The following PIK3R1 variants were observed in gnomAD, a reference collection of about 807,000 sequenced individuals.
The protein encoded by PIK3R1 is phosphoinositide-3-kinase regulatory subunit 1.
In PIK3R1, 29 loss-of-function variants were observed where a neutral mutation model predicts 98.0. The observed-to-expected ratio is 0.30, with a 90% CI of 0.22 to 0.40. The LOEUF is 0.40. Among genes scored for constraint, PIK3R1 ranks in the 10% least tolerant of loss-of-function variants. PIK3R1 has a pLI of 1.00. For synonymous variants in PIK3R1, 282 were observed against 311.8 expected (o/e 0.90, Z 1.01); for missense variants, 596 against 872.7 (o/e 0.68, Z 3.99).
At chr5:68,218,424 T>G (rs1743978593) in intron 1 of PIK3R1, among the ~76,000 whole-genome samples, 1 of 152,168 alleles carries the variant, frequency 6.6e-6, no homozygotes, top group Admixed American at 6.5e-5. Flanking sequence ...TAAATTGATA[T>G]GTTCAATCAA....
rs1031064318 is a variant in PIK3R1 at position 68,298,098 on chromosome 5, T to A, written c.*497T>A. 14 of 230,886 alleles carry A rather than the reference T, an allele frequency of 6.1e-5. No homozygotes were observed. Among genetic ancestry groups the A allele is most frequent in the Non-Finnish European group, 1.1e-4 (13 of 116,452 alleles). 14.3% of individuals were successfully genotyped at this position (230,886 alleles called of 1,614,324 possible). ...CCCAGACACATCGCACTGTGGATTA[T>A]TTCATTTTGTAACAAATGAACGATA... On this transcript the variant is annotated 3_prime_UTR_variant, in exon 16 of 16. Transcript: ENST00000521381.
At chr5:68,290,697 A>G (rs139787718) in intron 7 of PIK3R1, 1 of 1,595,624 alleles carries the variant, frequency 6.3e-7, no homozygotes, top group African/African-American at 1.4e-5. Flanking sequence ...CTTTTCTTAT[A>G]ACTGAGCTCA....
intron 2 of PIK3R1, among the ~76,000 whole-genome samples, chr5:68,236,581 G>T (rs57071499): frequency 0.034 from 5,244 of 152,260 alleles, 198 homozygotes; most frequent in East Asian, 0.14. Context: ...AAAACTGAAG[G>T]TCATGTGATT....
At chr5:68,261,194 T>G (rs749045457) in intron 2 of PIK3R1, among the ~76,000 whole-genome samples, 4 of 152,244 alleles carry the variant, frequency 2.6e-5, no homozygotes, top group Non-Finnish European at 4.4e-5. Flanking sequence ...TGTGATTAAA[T>G]GTAAATTTAG....
intron 2 of PIK3R1, among the ~76,000 whole-genome samples, chr5:68,236,372 C>T (rs958374666): frequency 2.6e-5 from 4 of 152,044 alleles, no homozygotes; most frequent in Non-Finnish European, 4.4e-5. Context: ...GTCTCAGCCT[C>T]CCGAGTAGCT....
chr5:68,294,700 G>A (rs200876334), intron 12 of PIK3R1, 22 bp downstream of exon 12: 30 of 1,567,274 alleles, frequency 1.9e-5, no homozygotes, highest in Non-Finnish European at 2.6e-5. Flanking sequence ...CCTTGTTCTT[G>A]TGCTAGAGAT....
chr5:68,252,913 T>C (rs1242571198), intron 2 of PIK3R1, among the ~76,000 whole-genome samples: 6 of 152,198 alleles, frequency 3.9e-5, no homozygotes, highest in African/African-American at 1.4e-4. Flanking sequence ...CTGCCTTTTC[T>C]CCCTCAGATT....
Position 68,288,559 on chromosome 5 carries a change from A to T in PIK3R1, c.917-3700A>T, listed in dbSNP as rs549051920. Reference sequence around the variant, plus strand: ...GAGCTGGGCCACTGTGCACGCCCGGAGGGTCCTGGCGGCGCCCCCGCTCCT... The same window carrying T: ...GAGCTGGGCCACTGTGCACGCCCGGTGGGTCCTGGCGGCGCCCCCGCTCCT... On this transcript the variant is annotated intron_variant, in intron 7 of 15. Coordinates refer to ENST00000521381, the MANE Select transcript of PIK3R1 (RefSeq NM_181523.3). The T allele has an allele frequency of 1.7e-5, 25 of 1,507,120 alleles. No individual in the cohort carries two copies. In the South Asian group the frequency reaches 3.2e-4, roughly 19 times the overall value. The allele number at this position is 1,507,120 out of a possible 1,614,324, so 93.4% of individuals were successfully genotyped here. A position where few individuals can be genotyped will look rare whatever the true frequency, so the allele number is the denominator to read the frequency against.
intron 2 of PIK3R1, among the ~76,000 whole-genome samples, chr5:68,262,665 ACATGTAGATACATGTATCTG>A (rs1745845014): frequency 7.7e-6 from 1 of 130,450 alleles, no homozygotes; most frequent in Non-Finnish European, 1.6e-5. Context: ...GCATGTATAC[ACATGTAGATACATGTATCTG>A]CATGTATACA....
chr5:68,264,251 TA>T (rs1291278960), intron 2 of PIK3R1, among the ~76,000 whole-genome samples: 5 of 152,274 alleles, frequency 3.3e-5, no homozygotes, highest in Non-Finnish European at 2.9e-5. Context: ...AAGCTCAAGT[TA>T]AAAAAATGCA....
intron 2 of PIK3R1, among the ~76,000 whole-genome samples, chr5:68,240,591 C>A (rs890263813): frequency 2.0e-5 from 3 of 152,168 alleles, no homozygotes; most frequent in Non-Finnish European, 4.4e-5. Context: ...TTTTCTTTGC[C>A]AGGAACCTGA....
chr5:68,216,303 C>T (rs776075178), intron 1 of PIK3R1, among the ~76,000 whole-genome samples: 18 of 152,218 alleles, frequency 1.2e-4, no homozygotes, highest in Non-Finnish European at 2.4e-4. Flanking sequence ...TTCGGAGGGT[C>T]CCCGCTGTCG....
At chr5:68,243,632 C>G (rs1057222636) in intron 2 of PIK3R1, among the ~76,000 whole-genome samples, 1 of 152,236 alleles carries the variant, frequency 6.6e-6, no homozygotes, top group Non-Finnish European at 1.5e-5. Context: ...TGCCACCTTT[C>G]TTTTCCTTTA....
At position 68,289,825 on chromosome 5, in the gene PIK3R1, C is replaced by A. The variant is rs534031313; in HGVS notation, c.917-2434C>A. On this transcript the variant is annotated intron_variant, in intron 7 of 15. Coordinates refer to ENST00000521381, the MANE Select transcript of PIK3R1 (RefSeq NM_181523.3). ...CTTCCCGTTCAAGCAGTATTAGTAG[C>A]GAAGATGGGTTCATCAGTGAAATAT... Among the ~76,000 whole-genome samples the A allele has an allele frequency of 6.5e-5, 9 of 137,684 alleles. No individual in the cohort carries two copies. In the South Asian group the frequency reaches 2.1e-3, roughly 33 times the overall value. 90.3% of individuals were successfully genotyped at this position (137,684 alleles called of 152,430 possible). A position where few individuals can be genotyped will look rare whatever the true frequency, so the allele number is the denominator to read the frequency against.
Position 68,298,472 on chromosome 5 carries a change from C to G in PIK3R1, c.*871C>G, listed in dbSNP as rs1747850976. The G allele has an allele frequency of 1.3e-5, 3 of 233,028 alleles. No individual in the cohort carries two copies. In the South Asian group the frequency reaches 5.4e-4, roughly 42 times the overall value. The allele number at this position is 233,028 out of a possible 1,614,324, so 14.4% of individuals were successfully genotyped here. On this transcript the variant is annotated 3_prime_UTR_variant, in exon 16 of 16. Transcript: ENST00000521381. ...AAATGTACCTTCAGAATAAGCTTCC[C>G]CACCCCAGTTTTTGTTGCTTGAAAA...
At chr5:68,272,172 GA>G (rs1381730322) in intron 2 of PIK3R1, among the ~76,000 whole-genome samples, 1 of 148,460 alleles carries the variant, frequency 6.7e-6, no homozygotes, top group African/African-American at 2.5e-5. Context: ...AGGATCACAT[GA>G]ACTCAGGAAG....
intron 2 of PIK3R1, among the ~76,000 whole-genome samples, chr5:68,235,872 A>AT (rs56930555): frequency 0.36 from 53,384 of 146,550 alleles, 10,163 homozygotes; most frequent in East Asian, 0.6. Context: ...TCTGCCAGGC[A>AT]TTTTTTTTTT....
At chr5:68,220,669 C>T (rs756754728) in intron 1 of PIK3R1, among the ~76,000 whole-genome samples, 56 of 152,248 alleles carry the variant, frequency 3.7e-4, no homozygotes, top group Non-Finnish European at 6.6e-4. Context: ...GGCTTGTAGG[C>T]GAGAATTACA....
chr5:68,262,534 ATAGATACATATC>A (rs1271975297), intron 2 of PIK3R1, among the ~76,000 whole-genome samples: 4 of 69,644 alleles, frequency 5.7e-5, no homozygotes, highest in Non-Finnish European at 8.4e-5. Context: ...ACATAGCTAT[ATAGATACATATC>A]TAATGTATAC....
Sources: gnomAD v4.1 joint callset for allele counts (sites outside exome capture counted in the v4.1 genomes callset) on GRCh38, gnomAD v4.1.1 for gene constraint, MANE v1.5 for transcripts, NCBI Gene and HGNC (gene_info 2026-07-23, HGNC 2026-07-21) for gene names.